Variants in PDPR observed in about 807,000 individuals in gnomAD.
PDPR encodes the protein pyruvate dehydrogenase phosphatase regulatory subunit.
PDPR carries 50 observed loss-of-function variants against 102.2 expected under a neutral mutation model. The observed-to-expected ratio is 0.49, with a 90% CI of 0.39 to 0.62. PDPR has a LOEUF of 0.62. Ranked by LOEUF, PDPR falls within the 20% of genes least tolerant of loss-of-function variation. The probability of loss-of-function intolerance (pLI) is 0.00; values close to 1 mark genes in which losing one functional copy is unlikely to be tolerated. For missense variants in PDPR, 625 were observed against 1,098.2 expected (o/e 0.57, Z 6.09); for synonymous variants, 259 against 406.0 (o/e 0.64, Z 4.35).
intron 16 of PDPR, chr16:70,147,393 A>G (rs1271276324): frequency 2.4e-5 from 9 of 378,504 alleles, no homozygotes; most frequent in African/African-American, 8.4e-5. Flanking sequence ...GACACACACA[A>G]AAATGCCTTT....
chr16:70,133,964 C>T (rs1567537362), intron 9 of PDPR, among the ~76,000 whole-genome samples: 1 of 152,304 alleles, frequency 6.6e-6, no homozygotes, highest in Non-Finnish European at 1.5e-5. Flanking sequence ...AACTCCTGAC[C>T]TCAGGAGATC....
intron 14 of PDPR, among the ~76,000 whole-genome samples, chr16:70,143,932 C>T (rs1441762804): frequency 6.6e-6 from 1 of 151,994 alleles, no homozygotes; most frequent in Non-Finnish European, 1.5e-5. Context: ...CACTTTGTTA[C>T]CCAGGCTGGA....
At chr16:70,126,920 C>T (rs187908732) in intron 3 of PDPR, among the ~76,000 whole-genome samples, 1 of 152,268 alleles carries the variant, frequency 6.6e-6, no homozygotes, top group Non-Finnish European at 1.5e-5. Flanking sequence ...TCACAGCTCA[C>T]TGCAACCTCT....
intron 1 of PDPR, 68 bp downstream of exon 1, chr16:70,114,508 T>A (rs927913782): frequency 2.0e-5 from 3 of 152,156 alleles, no homozygotes; most frequent in South Asian, 2.1e-4. Context: ...CCGGGACCCC[T>A]GGGTTCCCCT....
At chr16:70,136,924 G>A (rs1341638172) in intron 10 of PDPR, among the ~76,000 whole-genome samples, 2 of 152,198 alleles carry the variant, frequency 1.3e-5, no homozygotes, top group African/African-American at 4.8e-5. Context: ...TCTATTTTTA[G>A]TAGAGACAGG....
At chr16:70,150,034 C>T (rs1319229457) in intron 17 of PDPR, among the ~76,000 whole-genome samples, 2 of 152,004 alleles carry the variant, frequency 1.3e-5, no homozygotes, top group Non-Finnish European at 2.9e-5. Flanking sequence ...CGTGATCTGC[C>T]AGCCTTGGCC....
intron 11 of PDPR, among the ~76,000 whole-genome samples, chr16:70,140,892 T>G (rs1965641627): frequency 6.6e-6 from 1 of 152,162 alleles, no homozygotes; most frequent in African/African-American, 2.4e-5. Context: ...GATGGAGAGA[T>G]TGTCACCATG....
intron 17 of PDPR, among the ~76,000 whole-genome samples, chr16:70,152,436 T>C (rs1966807447): frequency 6.6e-6 from 1 of 152,270 alleles, no homozygotes; most frequent in South Asian, 2.1e-4. Context: ...GGAGATTCAC[T>C]TGAACCCGGG....
intron 15 of PDPR, among the ~76,000 whole-genome samples, chr16:70,145,113 C>T (rs1284081960): frequency 6.6e-6 from 1 of 152,166 alleles, no homozygotes; most frequent in Non-Finnish European, 1.5e-5. Flanking sequence ...ATTAGCTGGA[C>T]ATGGTGGTGC....
intron 2 of PDPR, among the ~76,000 whole-genome samples, chr16:70,118,292 A>G (rs1390129493): frequency 1.3e-5 from 2 of 152,240 alleles, no homozygotes; most frequent in African/African-American, 4.8e-5. Flanking sequence ...AAGTGGGTCT[A>G]TAGGAAGGGT....
chr16:70,152,028 C>T (rs1392689453), intron 17 of PDPR, among the ~76,000 whole-genome samples: 2 of 152,278 alleles, frequency 1.3e-5, no homozygotes, highest in African/African-American at 4.8e-5. Context: ...CCTTGGTCAT[C>T]CTCTTACCTA....
chr16:70,120,341 T>C (rs530064261), intron 2 of PDPR, 120 bp from the exon 3 acceptor site: 100 of 647,874 alleles, frequency 1.5e-4, no homozygotes, highest in South Asian at 9.9e-4. Flanking sequence ...TGAGGCACCA[T>C]GCCCAGCCAC....
chr16:70,153,845 G>A (rs1199754743), intron 18 of PDPR, among the ~76,000 whole-genome samples: 2 of 152,218 alleles, frequency 1.3e-5, no homozygotes, highest in African/African-American at 2.4e-5. Flanking sequence ...AGGAGTTCGA[G>A]ACCAGCCTGG....
At chr16:70,149,613 C>T (rs1167816815) in intron 17 of PDPR, among the ~76,000 whole-genome samples, 1 of 152,256 alleles carries the variant, frequency 6.6e-6, no homozygotes, top group African/African-American at 2.4e-5. Context: ...GTACCTAAAG[C>T]AAAAGAGCTT....
chr16:70,149,251 T>G (rs1036608925), intron 17 of PDPR, among the ~76,000 whole-genome samples: 1 of 149,460 alleles, frequency 6.7e-6, no homozygotes, highest in African/African-American at 2.5e-5. Flanking sequence ...ATCCTGTTTT[T>G]TTTTTTTTCA....
chr16:70,154,110 C>T (rs995941359), intron 18 of PDPR, among the ~76,000 whole-genome samples: 1 of 152,242 alleles, frequency 6.6e-6, no homozygotes, highest in African/African-American at 2.4e-5. Flanking sequence ...GAGCCGAGAT[C>T]ACGCCACTGC....
chr16:70,125,569 A>ATGT (rs1963867355), intron 3 of PDPR, among the ~76,000 whole-genome samples: 1 of 132,238 alleles, frequency 7.6e-6, no homozygotes, highest in Non-Finnish European at 1.7e-5. Flanking sequence ...AAAAAAAAAA[A>ATGT]AAAAAGTATA....
At chr16:70,133,421 C>CTTTTTTTTTTTTTTTTTTTTTTTTT (rs1162339028) in intron 9 of PDPR, among the ~76,000 whole-genome samples, 2 of 103,730 alleles carry the variant, frequency 1.9e-5, no homozygotes, top group African/African-American at 8.1e-5. Context: ...TGCGTCTGGC[C>CTTTTTTTTTTTTTTTTTTTTTTTTT]TTTTTTTTTT....
rs753202733 is a variant in PDPR at position 70,120,625 on chromosome 16, G to A, written c.133G>A (p.Val45Met). 6.2e-7 allele frequency: 1 copy of A among 1,613,674 alleles called. No homozygotes were observed. The highest frequency in any genetic ancestry group is 8.5e-7 in the Non-Finnish European group (1 of 1,179,600). ...CATGGCCCTGCCCACCCAGGCACAG[G>A]TGGTCATCTGTGGAGGTGGAATCAC... Reference protein sequence around the residue: ...RSMALPTQAQVVICGGGITGT... With the variant: ...RSMALPTQAQMVICGGGITGT... Residue 45 changes from valine to methionine, a missense_variant, in exon 3 of 19, where the codon GTG becomes ATG. Physicochemically the swap from Val to Met is conservative, Grantham distance 21. Coordinates refer to ENST00000288050, the MANE Select transcript of PDPR (RefSeq NM_017990.5).
Sources: allele counts gnomAD v4.1 joint callset (sites outside exome capture counted in the v4.1 genomes callset), GRCh38; gene constraint gnomAD v4.1.1; transcripts MANE v1.5; gene names NCBI Gene and HGNC (gene_info 2026-07-23, HGNC 2026-07-21).